The following PHYKPL variants were observed in gnomAD, a reference collection of about 807,000 sequenced individuals.
The protein encoded by PHYKPL is 5-phosphonooxy-L-lysine phospho-lyase.
Under a neutral mutation model 51.3 loss-of-function variants are expected in PHYKPL, and 42 were observed. That is an observed-to-expected ratio of 0.82 (90% CI 0.64 to 1.06). The LOEUF is 1.06. Among genes scored for constraint, PHYKPL ranks in the 50% least tolerant of loss-of-function variants. PHYKPL has a pLI of 0.00. For missense variants in PHYKPL, 655 were observed against 586.6 expected, an observed-to-expected ratio of 1.12 and a Z score of -1.20; for synonymous variants, 264 against 236.0, an observed-to-expected ratio of 1.12 and a Z score of -1.09.
intron 12 of PHYKPL, chr5:178,209,458 C>G: frequency 1.9e-6 from 3 of 1,609,230 alleles, no homozygotes; most frequent in Non-Finnish European, 2.6e-6. Flanking sequence ...GTGAGTGGAA[C>G]GTGGATGAAG....
intron 3 of PHYKPL, chr5:178,229,723 A>G: frequency 1.9e-6 from 1 of 513,648 alleles, no homozygotes; most frequent in East Asian, 3.2e-5. Flanking sequence ...CAATGATCCT[A>G]GAAAGGAGGT....
intron 3 of PHYKPL, among the ~76,000 whole-genome samples, chr5:178,227,859 G>A (rs1020521131): frequency 6.6e-6 from 1 of 152,170 alleles, no homozygotes; most frequent in Admixed American, 6.6e-5. Context: ...GGTGGAGGGA[G>A]TTAAGAGGCA....
chr5:178,209,338 C>A (rs1757443465), intron 12 of PHYKPL: 3 of 1,613,824 alleles, frequency 1.9e-6, no homozygotes, highest in Non-Finnish European at 2.5e-6. Flanking sequence ...AGTGTGAGAT[C>A]AAGGTGGCCC....
chr5:178,222,662 C>G, intron 7 of PHYKPL, 82 bp from the exon 8 acceptor site: 2 of 1,482,232 alleles, frequency 1.3e-6, no homozygotes, highest in Non-Finnish European at 1.9e-6. Context: ...GGGCTTTGCA[C>G]CCTGGCTCTG....
chr5:178,229,183 T>C (rs1384424851), intron 3 of PHYKPL, among the ~76,000 whole-genome samples: 2 of 150,812 alleles, frequency 1.3e-5, no homozygotes, highest in East Asian at 3.9e-4. Context: ...TTTGGCTCAC[T>C]GCAACCTCCG....
At chr5:178,211,070 TGTATTGTAAG>T (rs1232129599) in intron 12 of PHYKPL, 2 of 188,320 alleles carry the variant, frequency 1.1e-5, no homozygotes, top group African/African-American at 2.4e-5. Flanking sequence ...GGGAATCTAA[TGTATTGTAAG>T]GTATTTTACA....
At chr5:178,219,156 T>TA (rs1237889281) in intron 8 of PHYKPL, among the ~76,000 whole-genome samples, 4 of 152,166 alleles carry the variant, frequency 2.6e-5, no homozygotes, top group African/African-American at 9.7e-5. Context: ...AGAGATATCT[T>TA]AAACAATATA....
At chr5:178,210,748 A>C in intron 12 of PHYKPL, 1 of 740,756 alleles carries the variant, frequency 1.3e-6, no homozygotes, top group South Asian at 1.6e-5. Context: ...TCTTATTTAA[A>C]ATTTCCCCCA....
At chr5:178,223,775 C>T (rs1325578256) in intron 6 of PHYKPL, 1 of 310,288 alleles carries the variant, frequency 3.2e-6, no homozygotes, top group Non-Finnish European at 6.4e-6. Context: ...AACAGTCTTC[C>T]CTCTGTTGTC....
At chr5:178,224,788 T>C in intron 4 of PHYKPL, 59 bp from the exon 5 acceptor site, 1 of 1,382,172 alleles carries the variant, frequency 7.2e-7, no homozygotes, top group Non-Finnish European at 1.0e-6. Context: ...CCTGGCCCAG[T>C]CTGACCATCG....
rs1049206054 is a variant in PHYKPL, at chr5:178,232,567, T to C, written c.-17A>G. 2.4e-6 allele frequency: 3 copies of C among 1,251,104 alleles called. No individual in the cohort carries two copies. Among genetic ancestry groups the C allele is most frequent in the African/African-American group, 1.6e-5 (1 of 63,830 alleles). 77.5% of individuals were successfully genotyped at this position (1,251,104 alleles called of 1,614,324 possible). A position where few individuals can be genotyped will look rare whatever the true frequency, so the allele number is the denominator to read the frequency against. On this transcript the variant is annotated 5_prime_UTR_variant, in exon 1 of 13. Coordinates refer to ENST00000308158, the MANE Select transcript of PHYKPL (RefSeq NM_153373.4). ...TGCGGCCATGGTGGGTGGCCGTCAGTCGGTGCCGTGACGCCACGCGGAGAC... is the reference window on the plus strand; with the variant it reads ...TGCGGCCATGGTGGGTGGCCGTCAGCCGGTGCCGTGACGCCACGCGGAGAC...
In PHYKPL at chr5:178,209,425, CGGAGGTGGTGGTGGAGGT is replaced by C. The variant is rs1581171562; in HGVS notation, c.*32-528_*32-511del. The C allele has an allele frequency of 1.2e-5, 19 of 1,614,014 alleles. No homozygotes were observed. In the East Asian group the frequency reaches 4.2e-4, roughly 36 times the overall value. ...ACCGCAACCGAGGGAACCGAGGCAG[CGGAGGTGGTGGTGGAGGT>C]GGAGGTGAGTGGAACGTGGATGAAG... On this transcript the variant is annotated intron_variant, in intron 12 of 12. Coordinates refer to ENST00000308158, the MANE Select transcript of PHYKPL (RefSeq NM_153373.4).
At chr5:178,210,653 A>C in intron 12 of PHYKPL, 1 of 1,559,714 alleles carries the variant, frequency 6.4e-7, no homozygotes, top group Non-Finnish European at 8.8e-7. Context: ...AACTGATCGC[A>C]CACATGCTTT....
At chr5:178,231,371 C>G in intron 2 of PHYKPL, 34 bp downstream of exon 2, 1 of 1,614,086 alleles carries the variant, frequency 6.2e-7, no homozygotes. Context: ...CTGCCTTCCT[C>G]TCCTGCCCTG....
At chr5:178,207,824 T>A (rs1317605431), downstream of PHYKPL, among the ~76,000 whole-genome samples, 1 of 149,994 alleles carries the variant, frequency 6.7e-6, no homozygotes, top group African/African-American at 2.5e-5. Context: ...CATCTCAGCC[T>A]CTCGAGTAGC....
intron 3 of PHYKPL, among the ~76,000 whole-genome samples, chr5:178,227,611 G>A (rs1485453966): frequency 1.3e-5 from 2 of 152,210 alleles, no homozygotes; most frequent in African/African-American, 4.8e-5. Context: ...GGGTAGGAGA[G>A]GAAGTGGGGA....
intron 3 of PHYKPL, chr5:178,228,139 T>A (rs1027891388): frequency 1.3e-4 from 26 of 195,146 alleles, no homozygotes; most frequent in African/African-American, 5.9e-4. Context: ...CTCAAAAAAA[T>A]TTGTGAGTCA....
At chr5:178,211,793 A>C (rs1196399955) in intron 12 of PHYKPL, 97 bp downstream of exon 12, 3 of 790,892 alleles carry the variant, frequency 3.8e-6, no homozygotes, top group East Asian at 2.6e-5. Context: ...GAACAAAAAA[A>C]AGTCTTAAAA....
intron 9 of PHYKPL, among the ~76,000 whole-genome samples, 163 bp from the exon 10 acceptor site, chr5:178,215,048 A>G (rs924553786): frequency 2.6e-5 from 4 of 152,082 alleles, no homozygotes; most frequent in Non-Finnish European, 4.4e-5. Flanking sequence ...GCTGGGAGAG[A>G]TCTTTGGTGT....
Sources: allele counts gnomAD v4.1 joint callset (sites outside exome capture counted in the v4.1 genomes callset), GRCh38; gene constraint gnomAD v4.1.1; transcripts MANE v1.5; gene names NCBI Gene and HGNC (gene_info 2026-07-23, HGNC 2026-07-21).